Variants in USP6 observed in about 807,000 individuals in gnomAD.
USP6 encodes the protein ubiquitin specific peptidase 6, also known as ubiquitin carboxyl-terminal hydrolase 6.
In USP6, 128 loss-of-function variants were observed where a neutral mutation model predicts 175.7. That is an observed-to-expected ratio of 0.73 (90% CI 0.63 to 0.84). The LOEUF (loss-of-function observed/expected upper bound fraction) is 0.84. Among genes scored for constraint, USP6 ranks in the 40% least tolerant of loss-of-function variants. USP6 has a pLI of 0.00. For synonymous variants in USP6, 562 were observed against 630.6 expected (o/e 0.89, Z 1.63); for missense variants, 1,498 against 1,760.3 (o/e 0.85, Z 2.67).
chr17:5,130,515 G>A (rs1168653962), intron 10 of USP6, 76 bp downstream of exon 10: 2 of 1,608,566 alleles, frequency 1.2e-6, no homozygotes, highest in African/African-American at 1.3e-5. Flanking sequence ...TTCCCTAGGA[G>A]CACAGGGCAG....
intron 17 of USP6, 31 bp from the exon 18 acceptor site, chr17:5,136,609 C>T: frequency 1.9e-6 from 3 of 1,609,606 alleles, no homozygotes; most frequent in Non-Finnish European, 2.5e-6. Context: ...GGGGAAGGCT[C>T]TGATTTCATG....
At chr17:5,116,960 G>T (rs2072551937) in intron 1 of USP6, among the ~76,000 whole-genome samples, 1 of 152,208 alleles carries the variant, frequency 6.6e-6, no homozygotes, top group Non-Finnish European at 1.5e-5. Context: ...GGGCAAGAGG[G>T]CGGTGCCTAC....
In USP6 at chr17:5,171,604, G is replaced by A. The variant is rs776970531; in HGVS notation, c.3972G>A (p.Leu1324=). The change falls in exon 37 of 38, where the codon CTG becomes CTA. Residue 1324 remains leucine, a synonymous_variant. Transcript: ENST00000574788. The part of the protein sequence containing the change: ...LYAISCHSGI[L]SGGHYITYAK... ...TCTTACAGTGCCATTCAGGAATTCT[G>A]AGTGGGGGCCATTACATCACTTATG... 6.8e-6 allele frequency: 11 copies of A among 1,613,658 alleles called. No homozygotes were observed. The highest frequency in any genetic ancestry group is 5.0e-5 in the Admixed American group (3 of 59,982).
At chr17:5,159,824 A>G (rs961217705) in intron 31 of USP6, among the ~76,000 whole-genome samples, 11 of 151,962 alleles carry the variant, frequency 7.2e-5, no homozygotes, top group African/African-American at 2.7e-4. Context: ...TTAGCCAGGT[A>G]TGGTGGTGCA....
rs573582990 is a variant in USP6 at position 5,121,695 on chromosome 17, C to T, written c.-1354C>T. On this transcript the variant is annotated 5_prime_UTR_variant, in exon 4 of 38. In the 5' UTR this introduces an upstream ATG that the reference lacks. Coordinates refer to ENST00000574788, the MANE Select transcript of USP6 (RefSeq NM_001304284.2). ...CCAGGTCCTTCTGGACGTGAAGACA[C>T]GGCTGGAGCAGGAGATCGCCACCTA... is the stretch of plus-strand genomic sequence containing the variant. 2.8e-4 allele frequency: 45 copies of T among 163,432 alleles called. No individual in the cohort carries two copies. The highest frequency in any genetic ancestry group is 8.6e-4 in the African/African-American group (36 of 41,772). The allele number at this position is 163,432 out of a possible 1,614,324, so 10.1% of individuals were successfully genotyped here.
At chr17:5,170,351 C>A in intron 35 of USP6, 128 bp from the exon 36 acceptor site, 1 of 1,375,890 alleles carries the variant, frequency 7.3e-7, no homozygotes, top group Non-Finnish European at 9.8e-7. Flanking sequence ...CAAAGGGTAG[C>A]CAGTCATGAC....
At chr17:5,133,646 G>GT in intron 14 of USP6, 96 bp downstream of exon 14, 1 of 966,344 alleles carries the variant, frequency 1.0e-6, no homozygotes, top group South Asian at 1.3e-5. Context: ...GGGTGGGGGG[G>GT]TGGGAGGGGA....
At chr17:5,116,934 T>C (rs928073626) in intron 1 of USP6, among the ~76,000 whole-genome samples, 194 bp downstream of exon 1, 1 of 152,156 alleles carries the variant, frequency 6.6e-6, no homozygotes, top group Non-Finnish European at 1.5e-5. Context: ...AGGGAACAGC[T>C]CGTGGAAAGG....
intron 4 of USP6, among the ~76,000 whole-genome samples, chr17:5,123,757 G>T (rs1320894392): frequency 6.6e-6 from 1 of 152,150 alleles, no homozygotes; most frequent in Non-Finnish European, 1.5e-5. Context: ...GCACGCACAC[G>T]TGTGCAGACA....
At chr17:5,168,658 T>C in intron 34 of USP6, 109 bp from the exon 35 acceptor site, 1 of 1,400,144 alleles carries the variant, frequency 7.1e-7, no homozygotes, top group Non-Finnish European at 9.7e-7. Flanking sequence ...AGAGTAAATG[T>C]TCTGTTATAT....
At chr17:5,144,261 C>G (rs2073542332) in intron 25 of USP6, among the ~76,000 whole-genome samples, 1 of 151,520 alleles carries the variant, frequency 6.6e-6, no homozygotes, top group African/African-American at 2.4e-5. Flanking sequence ...TTTATACATG[C>G]TATGTATTAT....
At chr17:5,136,999 TGTG>T (rs1263159599) in intron 18 of USP6, 119 bp from the exon 19 acceptor site, 1 of 1,212,220 alleles carries the variant, frequency 8.2e-7, no homozygotes, top group African/African-American at 1.5e-5. Flanking sequence ...GGGACAGTGT[TGTG>T]GGGAGTTCTG....
intron 31 of USP6, among the ~76,000 whole-genome samples, chr17:5,156,998 G>A (rs2073898785): frequency 6.6e-6 from 1 of 151,916 alleles, no homozygotes; most frequent in African/African-American, 2.4e-5. Context: ...CCAAAGTACT[G>A]GTATTACAGG....
intron 33 of USP6, among the ~76,000 whole-genome samples, chr17:5,163,667 C>G (rs2074048208): frequency 6.6e-6 from 1 of 152,180 alleles, no homozygotes; most frequent in Admixed American, 6.5e-5. Flanking sequence ...AATCTTGAAA[C>G]AAAACTGTGT....
At chr17:5,155,401 T>G in intron 30 of USP6, 21 bp from the exon 31 acceptor site, 2 of 1,610,348 alleles carry the variant, frequency 1.2e-6, no homozygotes, top group Non-Finnish European at 1.7e-6. Flanking sequence ...CTCAACTCTC[T>G]ATTCTCGTTT....
chr17:5,120,935 A>T (rs953047276), intron 3 of USP6, 147 bp downstream of exon 3: 1 of 454,440 alleles, frequency 2.2e-6, no homozygotes, highest in Non-Finnish European at 4.4e-6. Context: ...ATTTCGATGT[A>T]AAATGTGAGG....
Position 5,133,424 on chromosome 17 carries a change from G to A in USP6, c.277-19G>A. The A allele has an allele frequency of 6.2e-7, 1 of 1,603,340 alleles. No individual in the cohort carries two copies. Among genetic ancestry groups the A allele is most frequent in the South Asian group, 1.1e-5 (1 of 90,808 alleles). On this transcript the variant is annotated intron_variant, in intron 13 of 37. Transcript: ENST00000574788. ...GGTCACCCCATGGCCTGTGACACCA[G>A]ATTCTTTTCTGCCCACAGCTCATAG...
intron 25 of USP6, among the ~76,000 whole-genome samples, chr17:5,143,968 GA>G (rs1290898520): frequency 6.6e-6 from 1 of 152,034 alleles, no homozygotes; most frequent in Non-Finnish European, 1.5e-5. Flanking sequence ...TGAAACTAAT[GA>G]ATATAAGTTT....
chr17:5,172,918 C>T lies in USP6; in HGVS notation c.4161C>T (p.Asp1387=), dbSNP rs1476093315. The T allele has an allele frequency of 6.2e-7, 1 of 1,613,958 alleles. No homozygotes were observed. ...LPKIDGKKMA[D]TSSTDEDSES... ...AGATTGATGGCAAAAAGATGGCAGA[C>T]ACAAGCAGTACGGATGAAGACTCTG... The change falls in exon 38 of 38, where the codon GAC becomes GAT. Residue 1387 remains aspartate, a synonymous_variant. Transcript: ENST00000574788.
Sources: gnomAD v4.1 joint callset for allele counts (sites outside exome capture counted in the v4.1 genomes callset) on GRCh38, gnomAD v4.1.1 for gene constraint, MANE v1.5 for transcripts, NCBI Gene and HGNC (gene_info 2026-07-23, HGNC 2026-07-21) for gene names.